PTPRG: variants seen among roughly 807,000 people sequenced by gnomAD.
PTPRG encodes protein tyrosine phosphatase receptor type G, also known as receptor-type tyrosine-protein phosphatase gamma.
Under a neutral mutation model 165.3 loss-of-function variants are expected in PTPRG, and 102 were observed. That is an observed-to-expected ratio of 0.62 (90% CI 0.53 to 0.73). The LOEUF is 0.73. Ranked by LOEUF, PTPRG falls within the 30% of genes least tolerant of loss-of-function variation. PTPRG has a pLI of 0.00. For missense variants in PTPRG, 1,866 were observed against 1,861.4 expected (o/e 1.00, Z -0.05); for synonymous variants, 675 against 669.5 (o/e 1.01, Z -0.13).
chr3:62,086,444 A>G (rs183002301), intron 5 of PTPRG, among the ~76,000 whole-genome samples: 1 of 152,276 alleles, frequency 6.6e-6, no homozygotes, highest in African/African-American at 2.4e-5. Flanking sequence ...GTCTGAGAAA[A>G]TTGAGTTTGT....
At chr3:61,891,312 C>G (rs764259155) in intron 2 of PTPRG, among the ~76,000 whole-genome samples, 49 of 151,990 alleles carry the variant, frequency 3.2e-4, no homozygotes, top group Non-Finnish European at 6.3e-4. Context: ...AATAAAAATA[C>G]AAATAAAAAT....
intron 2 of PTPRG, among the ~76,000 whole-genome samples, chr3:61,823,109 T>C (rs1408684555): frequency 5.3e-5 from 8 of 152,220 alleles, no homozygotes; most frequent in Admixed American, 4.6e-4. Context: ...CATCCCATCA[T>C]GCGTAGTTTG....
chr3:62,154,449 G>A (rs138860844), intron 6 of PTPRG, among the ~76,000 whole-genome samples: 21 of 152,312 alleles, frequency 1.4e-4, no homozygotes, highest in African/African-American at 4.6e-4. Flanking sequence ...TTTTGAGTTT[G>A]CAGCAGGGGT....
chr3:61,897,569 G>A (rs1276102364), intron 2 of PTPRG, among the ~76,000 whole-genome samples: 6 of 152,086 alleles, frequency 3.9e-5, no homozygotes, highest in Admixed American at 6.5e-5. Flanking sequence ...CCATTCTAGG[G>A]CCTGTGCTAT....
chr3:61,849,695 A>T (rs11708533), intron 2 of PTPRG, among the ~76,000 whole-genome samples: 64,238 of 152,024 alleles, frequency 0.42, 14,740 homozygotes, highest in East Asian at 0.61. Context: ...GAGGAGTAGC[A>T]ACAACTACAC....
Position 61,973,507 on chromosome 3 carries a change from T to C in PTPRG, c.191-16118T>C, listed in dbSNP as rs532842808. Among the ~76,000 whole-genome samples the C allele has an allele frequency of 2.6e-5, 4 of 152,218 alleles. No individual in the cohort carries two copies. In the South Asian group the frequency reaches 8.3e-4, roughly 32 times the overall value. Reference sequence around the variant, plus strand: ...CTATTAATCGTATTTTTTATGCATCTTGCCAAATAGGACTCTTCATTGTGT... The same window carrying C: ...CTATTAATCGTATTTTTTATGCATCCTGCCAAATAGGACTCTTCATTGTGT... On this transcript the variant is annotated intron_variant, in intron 2 of 29. Transcript: ENST00000474889.
chr3:62,079,544 G>T (rs2106757032), intron 5 of PTPRG, among the ~76,000 whole-genome samples: 1 of 152,324 alleles, frequency 6.6e-6, no homozygotes, highest in Admixed American at 6.5e-5. Flanking sequence ...AAAGCATACT[G>T]GGTGTATGCT....
intron 8 of PTPRG, among the ~76,000 whole-genome samples, chr3:62,179,805 A>G (rs1316578639): frequency 6.6e-6 from 1 of 152,214 alleles, no homozygotes; most frequent in Non-Finnish European, 1.5e-5. Flanking sequence ...CCCTGAAACC[A>G]TACCAGATAG....
chr3:61,671,897 G>T (rs111447223), intron 1 of PTPRG, among the ~76,000 whole-genome samples: 6,287 of 144,500 alleles, frequency 0.044, 309 homozygotes, highest in African/African-American at 0.12. Context: ...GGCGGGGGGG[G>T]CTGATCCCCC....
At chr3:62,260,245 T>C (rs867780186) in intron 16 of PTPRG, among the ~76,000 whole-genome samples, 1 of 152,224 alleles carries the variant, frequency 6.6e-6, no homozygotes, top group African/African-American at 2.4e-5. Flanking sequence ...TAATACTTGG[T>C]AACCAGATCC....
Position 61,696,504 on chromosome 3 carries a change from AAAAC to A in PTPRG, c.86-52358_86-52355del, listed in dbSNP as rs994869456. ...GCGACAAGAGTGGGATTCCGTCTCA[AAAAC>A]AAACAAACAAACAAATTCTAGCCAC... On this transcript the variant is annotated intron_variant, in intron 1 of 29. Transcript: ENST00000474889. 2.4e-3 allele frequency among the ~76,000 whole-genome samples: 367 copies of A among 152,324 alleles called. 4 individuals are homozygous for A. The highest frequency in any genetic ancestry group is 7.9e-3 in the African/African-American group (330 of 41,572).
intron 1 of PTPRG, among the ~76,000 whole-genome samples, chr3:61,616,555 C>G (rs1177112557): frequency 6.6e-6 from 1 of 152,164 alleles, no homozygotes; most frequent in Admixed American, 6.5e-5. Context: ...AGACACTTCT[C>G]AACTCCCTCA....
chr3:61,966,035 C>A (rs2040263407), intron 2 of PTPRG, among the ~76,000 whole-genome samples: 1 of 152,176 alleles, frequency 6.6e-6, no homozygotes, highest in Non-Finnish European at 1.5e-5. Context: ...TCTGCATTAC[C>A]ACAGAATCCA....
At chr3:61,709,379 A>G (rs1001677804) in intron 1 of PTPRG, among the ~76,000 whole-genome samples, 5 of 151,844 alleles carry the variant, frequency 3.3e-5, no homozygotes, top group African/African-American at 1.2e-4. Flanking sequence ...CAGTGGCGCA[A>G]TCTCAGTTTA....
At chr3:61,608,401 A>C (rs1701072790) in intron 1 of PTPRG, among the ~76,000 whole-genome samples, 1 of 152,126 alleles carries the variant, frequency 6.6e-6, no homozygotes, top group Admixed American at 6.5e-5. Flanking sequence ...CCACGTGTGT[A>C]ATGGAATTGG....
chr3:61,563,223 C>T (rs989205880), intron 1 of PTPRG, among the ~76,000 whole-genome samples: 4 of 152,128 alleles, frequency 2.6e-5, no homozygotes, highest in Non-Finnish European at 5.9e-5. Context: ...CTCGCGCGCC[C>T]TGCCTACCTT....
In PTPRG at chr3:62,026,879, T is replaced by TAAAAAAAAA. The variant is rs200417191; in HGVS notation, c.519+23389_519+23397dup. On this transcript the variant is annotated intron_variant, in intron 4 of 29. Transcript: ENST00000474889. ...CCAGCCTGGGAAACCGAGTGAGAAT[T>TAAAAAAAAA]AAAAAAAAAAAAAAAGATATAAGAA... Among the ~76,000 whole-genome samples, 20 of 94,688 alleles carry TAAAAAAAAA rather than the reference T, an allele frequency of 2.1e-4. 2 individuals are homozygous for TAAAAAAAAA. Among genetic ancestry groups the TAAAAAAAAA allele is most frequent in the South Asian group, 6.8e-4 (2 of 2,950 alleles). 62.1% of individuals were successfully genotyped at this position (94,688 alleles called of 152,430 possible).
intron 1 of PTPRG, among the ~76,000 whole-genome samples, chr3:61,661,555 T>G (rs1478707381): frequency 6.6e-6 from 1 of 152,194 alleles, no homozygotes; most frequent in Non-Finnish European, 1.5e-5. Flanking sequence ...GCTGAGCCAT[T>G]TTATCATGCT....
rs1456292117 is a variant in PTPRG at position 62,148,433 on chromosome 3, G to C, written c.683-8634G>C. ...CCAAGAAGCCACTGGAAGATTTTAAGCTGGCCAGTGTCAGGATTAGTTTTA... is the reference window on the plus strand; with the variant it reads ...CCAAGAAGCCACTGGAAGATTTTAACCTGGCCAGTGTCAGGATTAGTTTTA... On this transcript the variant is annotated intron_variant, in intron 6 of 29. Coordinates refer to ENST00000474889, the MANE Select transcript of PTPRG (RefSeq NM_002841.4). 3.9e-5 allele frequency among the ~76,000 whole-genome samples: 6 copies of C among 152,156 alleles called. No individual in the cohort carries two copies. In the East Asian group the frequency reaches 1.2e-3, roughly 29 times the overall value.
Sources: allele counts gnomAD v4.1 joint callset (sites outside exome capture counted in the v4.1 genomes callset), GRCh38; gene constraint gnomAD v4.1.1; transcripts MANE v1.5; gene names NCBI Gene and HGNC (gene_info 2026-07-23, HGNC 2026-07-21).